Variants in MB21D2 observed in about 807,000 individuals in gnomAD.
The protein encoded by MB21D2 is Mab-21 domain containing 2.
In MB21D2, 9 loss-of-function variants were observed where a neutral mutation model predicts 33.3. The ratio of observed to expected loss-of-function variants is 0.27; its 90% CI spans 0.16 to 0.47. MB21D2 has a LOEUF of 0.47. MB21D2 is among the 20% of genes least tolerant of loss of function. The pLI is 0.99. For synonymous variants in MB21D2, 241 were observed against 236.3 expected (o/e 1.02, Z -0.18); for missense variants, 540 against 624.6 (o/e 0.86, Z 1.44).
chr3:192,889,853 T>C (rs1713811043), intron 1 of MB21D2, among the ~76,000 whole-genome samples: 1 of 152,004 alleles, frequency 6.6e-6, no homozygotes, highest in African/African-American at 2.4e-5. Context: ...CAGAAAAGAA[T>C]TAAGGTCCTG....
intron 1 of MB21D2, among the ~76,000 whole-genome samples, chr3:192,906,534 C>T (rs1357254028): frequency 6.6e-6 from 1 of 152,194 alleles, no homozygotes; most frequent in Non-Finnish European, 1.5e-5. Context: ...ACACTTCCAC[C>T]CAGTCTTCAG....
intron 1 of MB21D2, among the ~76,000 whole-genome samples, chr3:192,892,603 GCTA>G: frequency 6.6e-6 from 1 of 152,160 alleles, no homozygotes; most frequent in African/African-American, 2.4e-5. Flanking sequence ...ACCACACCTG[GCTA>G]CTTTTTGTAT....
intron 1 of MB21D2, among the ~76,000 whole-genome samples, chr3:192,823,005 T>C (rs1400555532): frequency 2.0e-5 from 3 of 152,206 alleles, no homozygotes; most frequent in African/African-American, 7.2e-5. Flanking sequence ...TGACATTCAA[T>C]CTCCATAGTT....
At chr3:192,835,540 C>T (rs1712419596) in intron 1 of MB21D2, among the ~76,000 whole-genome samples, 1 of 151,268 alleles carries the variant, frequency 6.6e-6, no homozygotes, top group South Asian at 2.1e-4. Flanking sequence ...AATGCTAGGC[C>T]CTGATTCCCA....
chr3:192,913,389 C>T (rs564585775), intron 1 of MB21D2, among the ~76,000 whole-genome samples: 32 of 152,208 alleles, frequency 2.1e-4, no homozygotes, highest in Non-Finnish European at 4.0e-4. Context: ...CAGAGCGAGA[C>T]CCTGTCTCAA....
intron 1 of MB21D2, among the ~76,000 whole-genome samples, chr3:192,893,868 T>A (rs988414709): frequency 6.6e-6 from 1 of 152,098 alleles, no homozygotes; most frequent in Non-Finnish European, 1.5e-5. Flanking sequence ...AGACCCTATC[T>A]CTACTACATA....
At chr3:192,818,466 T>C (rs1396807510) in intron 1 of MB21D2, among the ~76,000 whole-genome samples, 2 of 152,212 alleles carry the variant, frequency 1.3e-5, no homozygotes, top group African/African-American at 2.4e-5. Context: ...AAACACAGAA[T>C]ACAGCAAGTC....
intron 1 of MB21D2, among the ~76,000 whole-genome samples, chr3:192,819,835 G>A (rs1299850789): frequency 1.3e-5 from 2 of 152,172 alleles, no homozygotes; most frequent in African/African-American, 4.8e-5. Context: ...CAGCTTGGGA[G>A]GCACCTGACA....
At chr3:192,871,457 T>A (rs756131130) in intron 1 of MB21D2, among the ~76,000 whole-genome samples, 1 of 152,104 alleles carries the variant, frequency 6.6e-6, no homozygotes, top group Non-Finnish European at 1.5e-5. Context: ...GAACACAGAA[T>A]AACACAGAGT....
At chr3:192,900,691 C>A (rs568066137) in intron 1 of MB21D2, among the ~76,000 whole-genome samples, 170 of 152,132 alleles carry the variant, frequency 1.1e-3, no homozygotes, top group South Asian at 3.3e-3. Flanking sequence ...GCCTGTAATC[C>A]CAGCACTTTA....
chr3:192,913,793 T>C (rs1359730907), intron 1 of MB21D2, among the ~76,000 whole-genome samples: 2 of 152,044 alleles, frequency 1.3e-5, no homozygotes, highest in South Asian at 2.1e-4. Flanking sequence ...GATCATACTA[T>C]TGCACTCCAG....
At chr3:192,886,213 C>T (rs959216518) in intron 1 of MB21D2, among the ~76,000 whole-genome samples, 9 of 152,140 alleles carry the variant, frequency 5.9e-5, no homozygotes, top group African/African-American at 2.2e-4. Context: ...TCGCCTTGGC[C>T]TCCCAAAGTG....
chr3:192,894,743 C>T (rs1713928209), intron 1 of MB21D2, among the ~76,000 whole-genome samples: 1 of 152,130 alleles, frequency 6.6e-6, no homozygotes, highest in African/African-American at 2.4e-5. Flanking sequence ...AATCCTTTTG[C>T]TGCTTCCCAC....
At position 192,800,505 on chromosome 3, in the gene MB21D2, A is replaced by G. The variant is rs554271010; in HGVS notation, c.212-855T>C. On this transcript the variant is annotated intron_variant, in intron 1 of 1. Transcript: ENST00000392452. Reference sequence around the variant, plus strand: ...TGTACTAGCAGTCAGTAGGTTCTTTACCACTGACATGCATTAGCAATTTTT... The same window carrying G: ...TGTACTAGCAGTCAGTAGGTTCTTTGCCACTGACATGCATTAGCAATTTTT... Among the ~76,000 whole-genome samples, 13 of 152,308 alleles carry G rather than the reference A, an allele frequency of 8.5e-5. 1 individual carries two copies. The South Asian group carries it at 2.5e-3, about 29-fold the overall frequency.
At chr3:192,821,061 C>T (rs150983045) in intron 1 of MB21D2, among the ~76,000 whole-genome samples, 2 of 152,140 alleles carry the variant, frequency 1.3e-5, no homozygotes, top group Non-Finnish European at 2.9e-5. Context: ...CAGAACATTA[C>T]GTACCCTTCA....
At chr3:192,811,970 T>G (rs1363352132) in intron 1 of MB21D2, among the ~76,000 whole-genome samples, 1 of 152,188 alleles carries the variant, frequency 6.6e-6, no homozygotes, top group Non-Finnish European at 1.5e-5. Context: ...GAAATACTTC[T>G]AAATGATATA....
At chr3:192,850,832 G>C (rs933176531) in intron 1 of MB21D2, among the ~76,000 whole-genome samples, 1 of 152,188 alleles carries the variant, frequency 6.6e-6, no homozygotes, top group Non-Finnish European at 1.5e-5. Flanking sequence ...CTGAGCTACT[G>C]AACTCCACAG....
intron 1 of MB21D2, among the ~76,000 whole-genome samples, chr3:192,851,332 G>A (rs1318076740): frequency 6.6e-6 from 1 of 152,122 alleles, no homozygotes; most frequent in Non-Finnish European, 1.5e-5. Context: ...GGAGATTTGT[G>A]TCTGCCAAGG....
chr3:192,798,638 T>C lies in MB21D2; in HGVS notation c.1224A>G (p.Ala408=). The C allele has an allele frequency of 6.2e-7, 1 of 1,613,844 alleles. No homozygotes were observed. The highest frequency in any genetic ancestry group is 1.1e-5 in the South Asian group (1 of 91,076). ...RKLSSVRSDP[A]EHLRTAIEHV... Reference sequence around the variant, plus strand: ...GCTCAATGGCGGTGCGCAAGTGCTCTGCCGGGTCTGAGCGCACAGAGGACA... The same window carrying C: ...GCTCAATGGCGGTGCGCAAGTGCTCCGCCGGGTCTGAGCGCACAGAGGACA... The change falls in exon 2 of 2, where the codon GCA becomes GCG. Residue 408 remains alanine, a synonymous_variant. Coordinates refer to ENST00000392452, the MANE Select transcript of MB21D2 (RefSeq NM_178496.4). This position sits in a 1 kb window ranked among gnomAD's most constrained non-coding sequence, Gnocchi z 4.8.
Sources: allele counts gnomAD v4.1 joint callset (sites outside exome capture counted in the v4.1 genomes callset), GRCh38; gene constraint gnomAD v4.1.1; non-coding constraint Gnocchi (gnomAD v3.1); transcripts MANE v1.5; gene names NCBI Gene and HGNC (gene_info 2026-07-23, HGNC 2026-07-21).